Variants in BCAS3 observed in about 807,000 individuals in gnomAD.
BCAS3 encodes the protein BCAS3 microtubule associated cell migration factor, also known as BCAS4/BCAS3 fusion.
A neutral mutation model predicts 116.1 loss-of-function variants in BCAS3; 53 were observed. That is an observed-to-expected ratio of 0.46 (90% CI 0.37 to 0.57). The LOEUF is 0.57. BCAS3 is among the 20% of genes least tolerant of loss of function. BCAS3 has a pLI of 0.00. For missense variants in BCAS3, 917 were observed against 1,165.4 expected (o/e 0.79, Z 3.10); for synonymous variants, 391 against 408.2 (o/e 0.96, Z 0.51).
At chr17:60,737,148 C>T (rs2041068613) in intron 5 of BCAS3, among the ~76,000 whole-genome samples, 1 of 152,116 alleles carries the variant, frequency 6.6e-6, no homozygotes, top group Admixed American at 6.6e-5. Flanking sequence ...CCATGTTGGC[C>T]AGGCTGGTCT....
intron 22 of BCAS3, among the ~76,000 whole-genome samples, chr17:61,184,114 A>G (rs1031877205): frequency 6.6e-6 from 1 of 152,188 alleles, no homozygotes; most frequent in African/African-American, 2.4e-5. Flanking sequence ...ATTTTAGTTG[A>G]TGGAAAATGT....
At chr17:60,718,643 A>T (rs2038910487) in intron 5 of BCAS3, among the ~76,000 whole-genome samples, 5 of 152,102 alleles carry the variant, frequency 3.3e-5, no homozygotes, top group Admixed American at 3.3e-4. Flanking sequence ...GGTAGGTGAT[A>T]CCTTGAGGAT....
intron 22 of BCAS3, among the ~76,000 whole-genome samples, chr17:61,245,617 C>G: frequency 6.6e-6 from 1 of 152,078 alleles, no homozygotes; most frequent in East Asian, 1.9e-4. Flanking sequence ...TAGTTTTTCT[C>G]TTTGGTAGAA....
intron 22 of BCAS3, among the ~76,000 whole-genome samples, chr17:61,242,748 G>A (rs2047624498): frequency 6.6e-6 from 1 of 152,004 alleles, no homozygotes; most frequent in Admixed American, 6.6e-5. Context: ...TTGAATTGAA[G>A]TAATAGTGAT....
chr17:60,959,968 T>A (rs1473734995), intron 14 of BCAS3, among the ~76,000 whole-genome samples: 1 of 152,204 alleles, frequency 6.6e-6, no homozygotes. Flanking sequence ...GCTCCTCTTC[T>A]GTATTTCTTG....
chr17:61,103,600 T>G (rs916138629), intron 22 of BCAS3, among the ~76,000 whole-genome samples: 3 of 152,160 alleles, frequency 2.0e-5, no homozygotes, highest in African/African-American at 7.2e-5. Flanking sequence ...ATGAAGCTAT[T>G]TGGTTTGCAG....
At chr17:61,129,143 C>A (rs1327206649) in intron 22 of BCAS3, among the ~76,000 whole-genome samples, 2 of 152,110 alleles carry the variant, frequency 1.3e-5, no homozygotes, top group African/African-American at 4.8e-5. Flanking sequence ...ACTAGGCTAG[C>A]CACCTGAGGG....
In BCAS3 at chr17:61,104,356, A is replaced by T. The variant is rs571204893; in HGVS notation, c.2425+19792A>T. 8.5e-5 allele frequency among the ~76,000 whole-genome samples: 13 copies of T among 152,326 alleles called. No individual in the cohort carries two copies. The East Asian group carries it at 2.1e-3, about 25-fold the overall frequency. On this transcript the variant is annotated intron_variant, in intron 22 of 23. Transcript: ENST00000407086. This position sits in a 1 kb window ranked among gnomAD's most constrained non-coding sequence, Gnocchi z 4.1. ...AAACTTTTTAAAAAAAGTTTTTCAT[A>T]TAACTTTTTCATCTTGTATAACTGA... is the stretch of plus-strand genomic sequence containing the variant.
At position 61,215,058 on chromosome 17, in the gene BCAS3, A is replaced by G. The variant is rs2081706251; in HGVS notation, c.2425+130494A>G. ...AGCAGATAAGCAGGAAATATAACTA[A>G]CCAAGATTAATTTCACATATTATCT... On this transcript the variant is annotated intron_variant, in intron 22 of 23. Coordinates refer to ENST00000407086, the MANE Select transcript of BCAS3 (RefSeq NM_017679.5). This position sits in a 1 kb window ranked among gnomAD's most constrained non-coding sequence, Gnocchi z 4.8. Among the ~76,000 whole-genome samples the G allele has an allele frequency of 6.6e-6, 1 of 152,214 alleles. No homozygotes were observed. Among genetic ancestry groups the G allele is most frequent in the Non-Finnish European group, 1.5e-5 (1 of 68,030 alleles).
At position 61,233,399 on chromosome 17, in the gene BCAS3, A is replaced by G. The variant is rs770358764; in HGVS notation, c.2426-134928A>G. 2.0e-5 allele frequency among the ~76,000 whole-genome samples: 3 copies of G among 152,278 alleles called. No individual in the cohort carries two copies. The highest frequency in any genetic ancestry group is 2.9e-5 in the Non-Finnish European group (2 of 68,050). ...ATTCTACAACTAAAGATGCCAATCA[A>G]CTAAGCTTGTATTGGTTCATCGTCC... On this transcript the variant is annotated intron_variant, in intron 22 of 23. Coordinates refer to ENST00000407086, the MANE Select transcript of BCAS3 (RefSeq NM_017679.5). This position sits in a 1 kb window ranked among gnomAD's most constrained non-coding sequence, Gnocchi z 4.3.
At chr17:60,682,953 G>GT (rs2033409428) in intron 2 of BCAS3, among the ~76,000 whole-genome samples, 1 of 151,070 alleles carries the variant, frequency 6.6e-6, no homozygotes, top group African/African-American at 2.4e-5. Context: ...TTTTTTGTTT[G>GT]TTTTTTAGAG....
In BCAS3 at chr17:61,211,672, A is replaced by T. The variant is rs982062429; in HGVS notation, c.2425+127108A>T. On this transcript the variant is annotated intron_variant, in intron 22 of 23. Coordinates refer to ENST00000407086, the MANE Select transcript of BCAS3 (RefSeq NM_017679.5). The surrounding 1 kb of genome is among the most constrained non-coding windows in gnomAD (Gnocchi z 4.4). ...TTTGCATCCAGGTCATTTCTCCATA[A>T]AAAAAAAAAAAAAATGCCACTGACA... is the stretch of plus-strand genomic sequence containing the variant. Among the ~76,000 whole-genome samples the T allele has an allele frequency of 1.1e-4, 16 of 146,600 alleles. No homozygotes were observed. The highest frequency in any genetic ancestry group is 1.2e-4 in the Non-Finnish European group (8 of 67,532).
At chr17:60,943,528 A>G (rs2060328773) in intron 13 of BCAS3, among the ~76,000 whole-genome samples, 1 of 152,100 alleles carries the variant, frequency 6.6e-6, no homozygotes, top group Admixed American at 6.5e-5. Context: ...GACTTCATAC[A>G]ATCCTAAATG....
intron 22 of BCAS3, among the ~76,000 whole-genome samples, chr17:61,336,276 G>A (rs2056712832): frequency 6.6e-6 from 1 of 152,230 alleles, no homozygotes; most frequent in Non-Finnish European, 1.5e-5. Flanking sequence ...AGATGTCATT[G>A]CATACATTAC....
chr17:60,922,509 A>G (rs1599709659), intron 12 of BCAS3, among the ~76,000 whole-genome samples: 1 of 152,352 alleles, frequency 6.6e-6, no homozygotes, highest in Non-Finnish European at 1.5e-5. Flanking sequence ...AATTTTCCAC[A>G]TGCATGTTAG....
chr17:60,881,912 T>C (rs1318962661), intron 9 of BCAS3, among the ~76,000 whole-genome samples: 1 of 149,322 alleles, frequency 6.7e-6, no homozygotes, highest in Non-Finnish European at 1.5e-5. Context: ...CGTGTGCATG[T>C]GTCTTTATAG....
chr17:61,110,628 T>C (rs1031895991), intron 22 of BCAS3, among the ~76,000 whole-genome samples: 2 of 152,054 alleles, frequency 1.3e-5, no homozygotes, highest in Admixed American at 6.5e-5. Context: ...AGCACAGCAG[T>C]CTGAGATCAA....
chr17:61,149,029 C>T (rs1323668151), intron 22 of BCAS3, among the ~76,000 whole-genome samples: 1 of 152,092 alleles, frequency 6.6e-6, no homozygotes, highest in African/African-American at 2.4e-5. Flanking sequence ...TATTTCAACC[C>T]CATGGTACTT....
intron 5 of BCAS3, among the ~76,000 whole-genome samples, chr17:60,731,370 G>A (rs1438155816): frequency 2.6e-5 from 4 of 151,970 alleles, no homozygotes; most frequent in African/African-American, 7.3e-5. Context: ...GCGCCATTAC[G>A]CCCAGCTAAT....
Sources: allele counts gnomAD v4.1 joint callset (sites outside exome capture counted in the v4.1 genomes callset), GRCh38; gene constraint gnomAD v4.1.1; non-coding constraint Gnocchi (gnomAD v3.1); transcripts MANE v1.5; gene names NCBI Gene and HGNC (gene_info 2026-07-23, HGNC 2026-07-21).